SP110: variants seen among roughly 807,000 people sequenced by gnomAD.
SP110 encodes the protein SP110 nuclear body protein.
A neutral mutation model predicts 92.7 loss-of-function variants in SP110; 62 were observed. That is an observed-to-expected ratio of 0.67 (90% CI 0.55 to 0.83). The LOEUF is 0.83. Ranked by LOEUF, SP110 falls within the 40% of genes least tolerant of loss-of-function variation. The probability of loss-of-function intolerance (pLI) is 0.00; values close to 1 mark genes in which losing one functional copy is unlikely to be tolerated. For synonymous variants in SP110, 273 were observed against 305.3 expected, an observed-to-expected ratio of 0.89 and a Z score of 1.10; for missense variants, 793 against 863.9, an observed-to-expected ratio of 0.92 and a Z score of 1.03.
intron 14 of SP110, chr2:230,176,521 C>G (rs1560527494): frequency 1.3e-6 from 2 of 1,563,810 alleles, no homozygotes; most frequent in Middle Eastern, 1.8e-4. Context: ...CTTCCCCATC[C>G]CAAATTAACT....
intron 4 of SP110, 77 bp downstream of exon 4, chr2:230,212,684 T>C: frequency 1.3e-6 from 2 of 1,559,170 alleles, no homozygotes; most frequent in Non-Finnish European, 1.8e-6. Flanking sequence ...AAAGTCAAGA[T>C]GCTGGGATTG....
chr2:230,210,136 A>G, intron 6 of SP110, 128 bp from the exon 7 acceptor site: 1 of 756,494 alleles, frequency 1.3e-6, no homozygotes, highest in Non-Finnish European at 2.4e-6. Context: ...TGCTTGCCCT[A>G]AGAATTCCCT....
chr2:230,196,081 G>A (rs2042859248), intron 10 of SP110, among the ~76,000 whole-genome samples: 1 of 152,134 alleles, frequency 6.6e-6, no homozygotes, highest in Non-Finnish European at 1.5e-5. Context: ...ATCCAGCATT[G>A]AGGATGTAGG....
At position 230,183,630 on chromosome 2, in the gene SP110, C is replaced by G. The variant is rs1318361304; in HGVS notation, c.1290G>C (p.Lys430Asn). The change falls in exon 12 of 19, where the codon AAG becomes AAC. Residue 430 changes from lysine to asparagine, a missense_variant. Lys to Asn is a moderately conservative substitution (Grantham distance 94). Transcript: ENST00000258381. Reference protein sequence around the residue: ...ARKSRLKEKKKEKDICSSSKR... With the variant: ...ARKSRLKEKKNEKDICSSSKR... ...TTGAGCTTGAACAGATATCTTTCTC[C>G]TTTTTCTTTTCTAAACACAGAATTA... 1 of 1,563,632 alleles carries G rather than the reference C, an allele frequency of 6.4e-7. No homozygotes were observed. The highest frequency in any genetic ancestry group is 8.8e-7 in the Non-Finnish European group (1 of 1,133,920).
In SP110 at chr2:230,214,518, T is replaced by C. The variant is rs2044875536; in HGVS notation, c.316+432A>G. Among the ~76,000 whole-genome samples, 2 of 152,224 alleles carry C rather than the reference T, an allele frequency of 1.3e-5. 1 individual carries two copies. The highest frequency in any genetic ancestry group is 4.1e-4 in the South Asian group (2 of 4,832). Reference sequence around the variant, plus strand: ...CTTCAAAGGGTTGTTTTAAAGATGATGTGAGATAATCAAATAAAGTGTTTG... The same window carrying C: ...CTTCAAAGGGTTGTTTTAAAGATGACGTGAGATAATCAAATAAAGTGTTTG... On this transcript the variant is annotated intron_variant, in intron 3 of 18. Coordinates refer to ENST00000258381, the MANE Select transcript of SP110 (RefSeq NM_080424.4).
chr2:230,217,404 A>G (rs1340097472), intron 1 of SP110, among the ~76,000 whole-genome samples: 1 of 152,196 alleles, frequency 6.6e-6, no homozygotes, highest in African/African-American at 2.4e-5. Context: ...GGGTATAGGA[A>G]ACAAGGACAA....
chr2:230,169,006 G>T lies in SP110; in HGVS notation c.*118C>A, dbSNP rs1027369692. The T allele has an allele frequency of 6.5e-6, 5 of 766,454 alleles. No homozygotes were observed. Among genetic ancestry groups the T allele is most frequent in the African/African-American group, 1.7e-5 (1 of 58,764 alleles). The allele number at this position is 766,454 out of a possible 1,614,324, so 47.5% of individuals were successfully genotyped here. On this transcript the variant is annotated 3_prime_UTR_variant, in exon 19 of 19. Coordinates refer to ENST00000258381, the MANE Select transcript of SP110 (RefSeq NM_080424.4). ...GTGTGATAATCCTATGAAGTGTCTG[G>T]GTTTGGGTCCTGAGGGCAGCCAATT...
upstream of SP110, chr2:230,220,066 A>G (rs1478302174): frequency 1.0e-6 from 1 of 985,558 alleles, no homozygotes; most frequent in Non-Finnish European, 1.2e-6. Flanking sequence ...CGGAAGCTGA[A>G]GGCAGGTCGG....
chr2:230,187,127 T>TA lies in SP110; in HGVS notation c.1130-985dup, dbSNP rs199942448. ...AATTTGCACTCCCACCAGCAGTGTA[T>TA]AAACATTCCCTTTTCACCACGTCCA... On this transcript the variant is annotated intron_variant, in intron 10 of 18. Coordinates refer to ENST00000258381, the MANE Select transcript of SP110 (RefSeq NM_080424.4). Among the ~76,000 whole-genome samples, 1,022 of 152,292 alleles carry TA rather than the reference T, an allele frequency of 6.7e-3. 4 individuals carry two copies. Among genetic ancestry groups the TA allele is most frequent in the Non-Finnish European group, 9.6e-3 (650 of 68,002 alleles).
At chr2:230,203,484 C>T (rs1208824787) in intron 8 of SP110, 1 of 152,302 alleles carries the variant, frequency 6.6e-6, no homozygotes, top group Non-Finnish European at 1.5e-5. Context: ...ATGGGTGAAC[C>T]CTTAAGAGGG....
At chr2:230,176,670 T>G (rs199535843) in intron 14 of SP110, 24 of 1,613,786 alleles carry the variant, frequency 1.5e-5, no homozygotes, top group Non-Finnish European at 2.0e-5. Flanking sequence ...GAAATTCACT[T>G]GCTATTTAAC....
Position 230,172,115 on chromosome 2 carries a change from T to C in SP110, c.1766A>G (p.His589Arg), listed in dbSNP as rs201886262. Residue 589 changes from histidine (H) to arginine (R), a missense_variant, in exon 16 of 19, where the codon CAT (histidine) becomes CGT (arginine). By Grantham distance (29) the His-to-Arg change is conservative. Coordinates refer to ENST00000258381, the MANE Select transcript of SP110 (RefSeq NM_080424.4). ...MKRSSGSQQC[H>R]HVSKTLERQM... ...CCTCTCCAGGGTCTTAGATACATGATGGCACTGTTGGCTTCCTGAAGACCT... is the reference window on the plus strand; with the variant it reads ...CCTCTCCAGGGTCTTAGATACATGACGGCACTGTTGGCTTCCTGAAGACCT... 1.9e-6 allele frequency: 3 copies of C among 1,613,828 alleles called. No individual in the cohort carries two copies. Among genetic ancestry groups the C allele is most frequent in the Admixed American group, 1.7e-5 (1 of 60,030 alleles).
chr2:230,221,654 C>T (rs977437631), upstream of SP110: 20 of 1,502,340 alleles, frequency 1.3e-5, no homozygotes, highest in East Asian at 1.7e-4. Flanking sequence ...CAGGGGATGG[C>T]GGTGGTAAAG....
intron 17 of SP110, among the ~76,000 whole-genome samples, chr2:230,171,251 C>A (rs1187050023): frequency 2.0e-5 from 3 of 152,194 alleles, no homozygotes; most frequent in African/African-American, 7.2e-5. Flanking sequence ...TGCCACCATG[C>A]CTGGCTAATT....
At chr2:230,206,570 TA>T (rs1188815428) in intron 8 of SP110, among the ~76,000 whole-genome samples, 3 of 136,178 alleles carry the variant, frequency 2.2e-5, no homozygotes, top group African/African-American at 8.1e-5. Flanking sequence ...CTGGTCCAGA[TA>T]TTATATATTA....
Position 230,186,106 on chromosome 2 carries a change from G to C in SP110, c.1167C>G (p.Leu389=). Residue 389 remains leucine (L), a synonymous_variant, in exon 11 of 19, where the codon CTC becomes CTG. Coordinates refer to ENST00000258381, the MANE Select transcript of SP110 (RefSeq NM_080424.4). The part of the protein sequence containing the change: ...ASPGHGIQEK[L]QVVDKVTQRK... ...TTTGAGTCACCTTATCCACCACTTGGAGCTTCTCTTGGATGCCATGCCCAG... is the reference window on the plus strand; with the variant it reads ...TTTGAGTCACCTTATCCACCACTTGCAGCTTCTCTTGGATGCCATGCCCAG... The C allele has an allele frequency of 6.2e-7, 1 of 1,614,076 alleles. No individual in the cohort carries two copies. The highest frequency in any genetic ancestry group is 2.2e-5 in the East Asian group (1 of 44,878).
chr2:230,222,829 T>A (rs1045212898), upstream of SP110, among the ~76,000 whole-genome samples: 3 of 149,496 alleles, frequency 2.0e-5, no homozygotes, highest in African/African-American at 7.4e-5. Flanking sequence ...ATTAGTTTCG[T>A]GTGTATTAAA....
At chr2:230,189,385 T>C (rs561921218) in intron 10 of SP110, among the ~76,000 whole-genome samples, 1 of 152,300 alleles carries the variant, frequency 6.6e-6, no homozygotes, top group Non-Finnish European at 1.5e-5. Context: ...TTTATGTCAC[T>C]GTTACCATTC....
chr2:230,182,591 T>G (rs1045057305), intron 12 of SP110, among the ~76,000 whole-genome samples: 5 of 151,956 alleles, frequency 3.3e-5, no homozygotes, highest in Non-Finnish European at 4.4e-5. Flanking sequence ...AGGAACGAGG[T>G]GGGAGCATTC....
Sources: gnomAD v4.1 joint callset for allele counts (sites outside exome capture counted in the v4.1 genomes callset) on GRCh38, gnomAD v4.1.1 for gene constraint, MANE v1.5 for transcripts, NCBI Gene and HGNC (gene_info 2026-07-23, HGNC 2026-07-21) for gene names.